The following PYROXD2 variants were observed in gnomAD, a reference collection of about 807,000 sequenced individuals.
PYROXD2 encodes the protein pyridine nucleotide-disulphide oxidoreductase domain 2, also known as pyridine nucleotide-disulfide oxidoreductase domain-containing protein 2.
PYROXD2 carries 69 observed loss-of-function variants against 71.1 expected under a neutral mutation model. The ratio of observed to expected loss-of-function variants is 0.97; its 90% CI spans 0.80 to 1.19. The LOEUF is 1.19. PYROXD2 is among the 50% of genes most tolerant of loss of function. PYROXD2 has a pLI of 0.00. For synonymous variants in PYROXD2, 287 were observed against 302.7 expected (o/e 0.95, Z 0.54); for missense variants, 745 against 748.9 (o/e 0.99, Z 0.06).
At chr10:98,398,761 T>G (rs983619687) in intron 5 of PYROXD2, among the ~76,000 whole-genome samples, 12 of 152,036 alleles carry the variant, frequency 7.9e-5, no homozygotes, top group Non-Finnish European at 1.5e-4. Flanking sequence ...CTGAGATGGG[T>G]AGGATTTGGA....
At chr10:98,403,148 C>T (rs1265348858) in intron 4 of PYROXD2, among the ~76,000 whole-genome samples, 1 of 152,212 alleles carries the variant, frequency 6.6e-6, no homozygotes, top group Non-Finnish European at 1.5e-5. Context: ...GGCCAGGAGA[C>T]GGCTGGGGTC....
intron 6 of PYROXD2, among the ~76,000 whole-genome samples, 161 bp downstream of exon 6, chr10:98,397,184 C>G (rs1843216217): frequency 6.6e-6 from 1 of 152,256 alleles, no homozygotes; most frequent in South Asian, 2.1e-4. Context: ...AAGATGCTCT[C>G]AACAAAGTGC....
Position 98,390,658 on chromosome 10 carries a change from T to A in PYROXD2, c.1232A>T (p.Glu411Val). 1 of 1,612,504 alleles carries A rather than the reference T, an allele frequency of 6.2e-7. No individual in the cohort carries two copies. Among genetic ancestry groups the A allele is most frequent in the Non-Finnish European group, 8.5e-7 (1 of 1,179,102 alleles). Reference protein sequence around the residue: ...HHQCSIHLNCEDTLLLHQAFE... With the variant: ...HHQCSIHLNCVDTLLLHQAFE... The stretch of plus-strand genomic sequence containing the variant: ...GGCCTGATGAAGGAGGAGGGTGTCT[T>A]CACAGTTCAGGTGGATGGAGCATTG... The change falls in exon 12 of 16, where the codon GAA (glutamate) becomes GTA (valine). Residue 411 changes from glutamate (E) to valine (V), a missense_variant. Transcript: ENST00000370575.
intron 15 of PYROXD2, 126 bp downstream of exon 15, chr10:98,384,821 G>T: frequency 7.4e-7 from 1 of 1,346,928 alleles, no homozygotes; most frequent in Non-Finnish European, 9.8e-7. Flanking sequence ...GGCAGCTTAT[G>T]TTGGGAGTTC....
At position 98,388,336 on chromosome 10, in the gene PYROXD2, A is replaced by T; in HGVS notation, c.1447+18T>A. On this transcript the variant is annotated intron_variant, in intron 13 of 15. Transcript: ENST00000370575. ...GCCCGGCTGTGGCTCTGGAGGCAGAACGTGCAGCTGTCTTTACCTCTGTCT... is the reference window on the plus strand; with the variant it reads ...GCCCGGCTGTGGCTCTGGAGGCAGATCGTGCAGCTGTCTTTACCTCTGTCT... 6.2e-7 allele frequency: 1 copy of T among 1,613,520 alleles called. No individual in the cohort carries two copies. The highest frequency in any genetic ancestry group is 8.5e-7 in the Non-Finnish European group (1 of 1,179,792).
chr10:98,384,408 G>A (rs1033341611), intron 15 of PYROXD2, among the ~76,000 whole-genome samples: 5 of 152,118 alleles, frequency 3.3e-5, no homozygotes, highest in African/African-American at 9.7e-5. Context: ...ACTTCAGCGC[G>A]GGAGTTCGAG....
intron 14 of PYROXD2, among the ~76,000 whole-genome samples, chr10:98,386,148 A>T (rs1413717679): frequency 6.6e-6 from 1 of 151,354 alleles, no homozygotes; most frequent in African/African-American, 2.4e-5. Flanking sequence ...GTGGTGGTGC[A>T]TGCCTGTAGG....
intron 2 of PYROXD2, among the ~76,000 whole-genome samples, chr10:98,409,977 T>C (rs1201545973): frequency 1.3e-5 from 2 of 151,902 alleles, no homozygotes; most frequent in East Asian, 1.9e-4. Flanking sequence ...ACTCAGGAGA[T>C]TGAGGCAGGA....
At position 98,387,258 on chromosome 10, in the gene PYROXD2, A is replaced by C; in HGVS notation, c.1497T>G (p.Val499=). The change falls in exon 14 of 16, where the codon GTT becomes GTG. Residue 499 remains valine (V), a synonymous_variant. Transcript: ENST00000370575. ...VYAPGFKDSV[V]GRDILTPPDL... is the part of the protein sequence containing the mutation. ...CTGGTGGTGTGAGGATGTCTCTGCC[A>C]ACCACAGAGTCCTTGAAGCCAGGGG... 1 of 1,614,214 alleles carries C rather than the reference A, an allele frequency of 6.2e-7. No homozygotes were observed. Among genetic ancestry groups the C allele is most frequent in the Non-Finnish European group, 8.5e-7 (1 of 1,180,038 alleles).
At chr10:98,385,096 A>T in intron 14 of PYROXD2, 29 bp from the exon 15 acceptor site, 4 of 1,612,580 alleles carry the variant, frequency 2.5e-6, no homozygotes, top group Middle Eastern at 1.7e-4. Context: ...AGTCATCAGC[A>T]CAGGAGAGTT....
At chr10:98,389,591 C>T (rs867355772) in intron 12 of PYROXD2, among the ~76,000 whole-genome samples, 17 of 152,220 alleles carry the variant, frequency 1.1e-4, no homozygotes, top group Non-Finnish European at 1.6e-4. Flanking sequence ...GCCTCCTATA[C>T]AGCAGCACAC....
rs75514416 is a variant in PYROXD2, at chr10:98,393,295, A to G, written c.786-212T>C. 7.0e-3 allele frequency among the ~76,000 whole-genome samples: 1,067 copies of G among 152,166 alleles called. 10 individuals are homozygous for G. Among genetic ancestry groups the G allele is most frequent in the Non-Finnish European group, 0.012 (832 of 67,988 alleles). On this transcript the variant is annotated intron_variant, in intron 8 of 15. Transcript: ENST00000370575. ...ACAAGTGTGTCTATGTGCATAGCTT[A>G]TTACCACAAAGAAGGCAACGATGCC...
chr10:98,385,143 C>T (rs1842711268), intron 14 of PYROXD2, 76 bp from the exon 15 acceptor site: 2 of 1,554,022 alleles, frequency 1.3e-6, no homozygotes. Context: ...TCTTCCCCTC[C>T]CCTGTTCTTC....
At chr10:98,404,294 A>G (rs1843520276) in intron 4 of PYROXD2, among the ~76,000 whole-genome samples, 1 of 152,188 alleles carries the variant, frequency 6.6e-6, no homozygotes, top group Non-Finnish European at 1.5e-5. Context: ...CATTTTCTGT[A>G]CATCACTTTT....
intron 4 of PYROXD2, 152 bp from the exon 5 acceptor site, chr10:98,400,409 A>G: frequency 1.4e-6 from 1 of 728,086 alleles, no homozygotes; most frequent in Non-Finnish European, 2.1e-6. Context: ...ATATAAGTTT[A>G]TAAAAAGCCC....
At chr10:98,404,694 T>C (rs940082429) in intron 4 of PYROXD2, among the ~76,000 whole-genome samples, 2 of 152,100 alleles carry the variant, frequency 1.3e-5, no homozygotes, top group African/African-American at 4.8e-5. Context: ...TATCTGTGTG[T>C]GTGTCTAAAG....
At position 98,388,464 on chromosome 10, in the gene PYROXD2, AG is replaced by A. The variant is rs1245643689; in HGVS notation, c.1336del (p.Leu446TrpfsTer8). On this transcript the variant is annotated frameshift_variant, in exon 13 of 16. Coordinates refer to ENST00000370575, the MANE Select transcript of PYROXD2 (RefSeq NM_032709.3). LOFTEE classifies it high-confidence loss of function. The stretch of plus-strand genomic sequence containing the variant: ...GACTACATGGCAGCCAGGGGGAGCC[AG>A]GGTGGGGTCCAGCGAGGAAGGGATG... Reference protein sequence around the residue: ...LCIPSSLDPTLAPPGCHVVSL... With the variant: ...LCIPSSLDPTXAPPGCHVVSL... 10 of 1,612,732 alleles carry A rather than the reference AG, an allele frequency of 6.2e-6. No individual in the cohort carries two copies. The South Asian group carries it at 1.1e-4, about 18-fold the overall frequency.
rs1317023911 is a variant in PYROXD2 at position 98,390,757 on chromosome 10, G to A, written c.1136-3C>T. On this transcript the variant is annotated splice_polypyrimidine_tract_variant and splice_region_variant and intron_variant, in intron 11 of 15. Coordinates refer to ENST00000370575, the MANE Select transcript of PYROXD2 (RefSeq NM_032709.3). ...GCTGGGCAGCCTGTCTACGGCCACT[G>A]AGGGACCAAAGAGGAGGGTCAGGTC... The A allele has an allele frequency of 6.3e-7, 1 of 1,582,956 alleles. No individual in the cohort carries two copies. Among genetic ancestry groups the A allele is most frequent in the East Asian group, 2.2e-5 (1 of 44,480 alleles).
chr10:98,390,394 G>A (rs141784327), intron 12 of PYROXD2, among the ~76,000 whole-genome samples: 1 of 152,100 alleles, frequency 6.6e-6, no homozygotes, highest in East Asian at 1.9e-4. Flanking sequence ...AACCTGAGCC[G>A]CTCTTCACCC....
Sources: allele counts gnomAD v4.1 joint callset (sites outside exome capture counted in the v4.1 genomes callset), GRCh38; gene constraint gnomAD v4.1.1; transcripts MANE v1.5; gene names NCBI Gene and HGNC (gene_info 2026-07-23, HGNC 2026-07-21).